Variants in MYO5C observed in about 807,000 individuals in gnomAD.
MYO5C encodes myosin VC.
MYO5C carries 194 observed loss-of-function variants against 235.7 expected under a neutral mutation model. The observed-to-expected ratio is 0.82, with a 90% CI of 0.73 to 0.93. The LOEUF (loss-of-function observed/expected upper bound fraction) is 0.93. Among genes scored for constraint, MYO5C ranks in the 40% least tolerant of loss-of-function variants. MYO5C has a pLI of 0.00. For missense variants in MYO5C, 2,038 were observed against 2,127.2 expected, an observed-to-expected ratio of 0.96 and a Z score of 0.82; for synonymous variants, 707 against 754.8, an observed-to-expected ratio of 0.94 and a Z score of 1.04.
intron 8 of MYO5C, among the ~76,000 whole-genome samples, chr15:52,269,241 A>G (rs2140840015): frequency 6.6e-6 from 1 of 152,352 alleles, no homozygotes; most frequent in South Asian, 2.1e-4. Flanking sequence ...GGCTGAGGAA[A>G]AAAACAAATT....
intron 11 of MYO5C, 96 bp downstream of exon 11, chr15:52,256,543 A>T: frequency 2.4e-6 from 2 of 845,274 alleles, no homozygotes; most frequent in Non-Finnish European, 3.7e-6. Context: ...CTCAAGAAAG[A>T]AGAATGCCTC....
rs2036332245 is a variant in MYO5C, at chr15:52,245,959, G to A, written c.2063C>T (p.Ser688Phe). 6.2e-7 allele frequency: 1 copy of A among 1,613,868 alleles called. No homozygotes were observed. ...AAGACAAGGACGGACAACATACCTG[G>A]AAGGGTAGCTCTGTGCACTAATGCG... ...TIRISAQSYP[S>F]RWTYIEFYSR... Residue 688 changes from serine (S) to phenylalanine (F), a missense_variant, in exon 17 of 41, where the codon TCC becomes TTC. Ser to Phe is a radical substitution (Grantham distance 155). Transcript: ENST00000261839.
intron 30 of MYO5C, among the ~76,000 whole-genome samples, chr15:52,220,833 A>C (rs1452983300): frequency 1.3e-5 from 2 of 150,566 alleles, no homozygotes; most frequent in Admixed American, 1.3e-4. Context: ...TCAAAAAAAA[A>C]AAAAAAAATT....
rs922841646 is a variant in MYO5C, at chr15:52,249,655, G to A, written c.1663-872C>T. ...ACACTTCTTTGTGAATGAAGTACCT[G>A]GATTGTTGTACAAATTCTTCCAGAA... is the stretch of plus-strand genomic sequence containing the variant. On this transcript the variant is annotated intron_variant, in intron 13 of 40. Coordinates refer to ENST00000261839, the MANE Select transcript of MYO5C (RefSeq NM_018728.4). Among the ~76,000 whole-genome samples the A allele has an allele frequency of 2.6e-5, 4 of 152,202 alleles. 1 individual carries two copies.
chr15:52,210,652 A>G (rs1164360226), intron 35 of MYO5C, among the ~76,000 whole-genome samples: 1 of 152,214 alleles, frequency 6.6e-6, no homozygotes, highest in Non-Finnish European at 1.5e-5. Flanking sequence ...AGATTCCAGA[A>G]TGCGCCAAGC....
At chr15:52,292,622 C>T (rs1043602707) in intron 1 of MYO5C, among the ~76,000 whole-genome samples, 3 of 152,254 alleles carry the variant, frequency 2.0e-5, no homozygotes, top group African/African-American at 7.2e-5. Flanking sequence ...TAAGCAAAAA[C>T]GTTCAGTCAT....
chr15:52,234,491 A>G (rs1208501236), intron 23 of MYO5C, among the ~76,000 whole-genome samples: 2 of 23,872 alleles, frequency 8.4e-5, no homozygotes, highest in Non-Finnish European at 1.0e-3. Flanking sequence ...TTAGGGGGGA[A>G]AAAAGCCAAA....
chr15:52,210,422 T>C (rs2035419747), intron 35 of MYO5C, among the ~76,000 whole-genome samples: 1 of 152,272 alleles, frequency 6.6e-6, no homozygotes, highest in Admixed American at 6.5e-5. Flanking sequence ...ACTGTTATTT[T>C]AGTGTTATTT....
rs189725043 is a variant in MYO5C at position 52,202,053 on chromosome 15, A to G, written c.4820+2812T>C. ...CAGAAATTAATAAAATGGTAATCCT[A>G]AATATAAATATTATATTACATTAAA... On this transcript the variant is annotated intron_variant, in intron 38 of 40. Coordinates refer to ENST00000261839, the MANE Select transcript of MYO5C (RefSeq NM_018728.4). Among the ~76,000 whole-genome samples the G allele has an allele frequency of 7.9e-5, 12 of 152,252 alleles. No individual in the cohort carries two copies. The East Asian group carries it at 2.3e-3, about 29-fold the overall frequency.
At chr15:52,221,771 A>G (rs186618991) in intron 29 of MYO5C, among the ~76,000 whole-genome samples, 1 of 152,180 alleles carries the variant, frequency 6.6e-6, no homozygotes, top group African/African-American at 2.4e-5. Flanking sequence ...TTAGGTTAAA[A>G]CAGGGTTTTT....
chr15:52,261,075 C>T lies in MYO5C; in HGVS notation c.1100G>A (p.Gly367Asp). The change falls in exon 10 of 41, where the codon GGC becomes GAC. Residue 367 changes from glycine to aspartate, a missense_variant. Transcript: ENST00000261839. Reference protein sequence around the residue: ...VFCELLGLESGRVAQWLCNRK... With the variant: ...VFCELLGLESDRVAQWLCNRK... Reference sequence around the variant, plus strand: ...ATTGCACAGCCACTGAGCAACTCTGCCACTCTCCAGGCCCAGGAGCTCACA... The same window carrying T: ...ATTGCACAGCCACTGAGCAACTCTGTCACTCTCCAGGCCCAGGAGCTCACA... The T allele has an allele frequency of 6.2e-7, 1 of 1,614,184 alleles. No individual in the cohort carries two copies. The highest frequency in any genetic ancestry group is 8.5e-7 in the Non-Finnish European group (1 of 1,180,042).
At chr15:52,274,114 C>A (rs892141551) in intron 5 of MYO5C, among the ~76,000 whole-genome samples, 1 of 152,180 alleles carries the variant, frequency 6.6e-6, no homozygotes, top group African/African-American at 2.4e-5. Flanking sequence ...ATGCTGCCTG[C>A]CAACATGTCT....
At chr15:52,206,038 A>T (rs1029120867) in intron 36 of MYO5C, 72 bp from the exon 37 acceptor site, 2 of 940,966 alleles carry the variant, frequency 2.1e-6, no homozygotes, top group Non-Finnish European at 3.0e-6. Context: ...AGCTACTATA[A>T]CTCTTTTACC....
At chr15:52,283,042 T>C (rs1447331470) in intron 1 of MYO5C, 150 bp from the exon 2 acceptor site, 1 of 638,518 alleles carries the variant, frequency 1.6e-6, no homozygotes, top group Non-Finnish European at 2.8e-6. Context: ...AGGTGATCTT[T>C]CGTGCATCTG....
Position 52,221,194 on chromosome 15 carries a change from A to T in MYO5C, c.3689T>A (p.Ile1230Asn). 1 of 1,613,226 alleles carries T rather than the reference A, an allele frequency of 6.2e-7. No homozygotes were observed. The highest frequency in any genetic ancestry group is 8.5e-7 in the Non-Finnish European group (1 of 1,179,542). ...ELEKQKQDLE[I>N]RLNEQAEKMK... is the part of the protein sequence containing the mutation. ...TTTCTCAGCTTGTTCATTCAGGCGG[A>T]TTTCAAGATCTTGCTTCTGTTTCTC... Residue 1230 changes from isoleucine (I) to asparagine (N), a missense_variant, in exon 30 of 41, where the codon ATC becomes AAC. Physicochemically the swap from Ile to Asn is moderately radical, Grantham distance 149. Coordinates refer to ENST00000261839, the MANE Select transcript of MYO5C (RefSeq NM_018728.4).
intron 30 of MYO5C, among the ~76,000 whole-genome samples, chr15:52,220,578 G>A (rs1276314717): frequency 6.6e-6 from 1 of 151,986 alleles, no homozygotes; most frequent in Non-Finnish European, 1.5e-5. Flanking sequence ...CAGAACATCG[G>A]GAAGCCAAGG....
chr15:52,246,120 G>A, intron 16 of MYO5C, 78 bp from the exon 17 acceptor site: 2 of 1,138,882 alleles, frequency 1.8e-6, no homozygotes, highest in Non-Finnish European at 2.6e-6. Context: ...AGCAGACCTG[G>A]CTAGACTGTG....
intron 19 of MYO5C, 103 bp downstream of exon 19, chr15:52,244,253 G>T: frequency 8.6e-7 from 1 of 1,167,338 alleles, no homozygotes; most frequent in Non-Finnish European, 1.2e-6. Context: ...TGCACCCTGG[G>T]TCACAGGAGA....
rs1380246454 is a variant in MYO5C at position 52,204,769 on chromosome 15, C to T, written c.4820+96G>A. 6 of 1,419,304 alleles carry T rather than the reference C, an allele frequency of 4.2e-6. No individual in the cohort carries two copies. The African/African-American group carries it at 7.1e-5, about 17-fold the overall frequency. 87.9% of individuals were successfully genotyped at this position (1,419,304 alleles called of 1,614,324 possible). A position where few individuals can be genotyped will look rare whatever the true frequency, so the allele number is the denominator to read the frequency against. ...CAGTAGGGCCTAAACAGGGGTTTGA[C>T]GCCACAGCAGGGAGGGTCAGGCGCG... On this transcript the variant is annotated intron_variant, in intron 38 of 40. Transcript: ENST00000261839.
Sources: gnomAD v4.1 joint callset for allele counts (sites outside exome capture counted in the v4.1 genomes callset) on GRCh38, gnomAD v4.1.1 for gene constraint, MANE v1.5 for transcripts, NCBI Gene and HGNC (gene_info 2026-07-23, HGNC 2026-07-21) for gene names.